The following TBC1D8 variants were observed in gnomAD, a reference collection of about 807,000 sequenced individuals.
The protein encoded by TBC1D8 is BUB2-like protein 1.
A neutral mutation model predicts 118.8 loss-of-function variants in TBC1D8; 65 were observed. The observed-to-expected ratio is 0.55, with a 90% confidence interval of 0.45 to 0.67. The LOEUF (loss-of-function observed/expected upper bound fraction) is 0.67, where lower values mean the gene tolerates loss of function less well. Among genes scored for constraint, TBC1D8 ranks in the 30% least tolerant of loss-of-function variants. TBC1D8 has a pLI of 0.00. For missense variants in TBC1D8, 1,376 were observed against 1,471.2 expected, an observed-to-expected ratio of 0.94 and a Z score of 1.06; for synonymous variants, 566 against 595.8, an observed-to-expected ratio of 0.95 and a Z score of 0.73.
At chr2:101,134,197 TCACACA>T (rs59427291) in intron 1 of TBC1D8, among the ~76,000 whole-genome samples, 11,581 of 72,596 alleles carry the variant, frequency 0.16, 588 homozygotes, top group South Asian at 0.35. Context: ...TCTCTCTCTC[TCACACA>T]CACACACACA....
intron 1 of TBC1D8, among the ~76,000 whole-genome samples, chr2:101,117,874 C>CT (rs35760018): frequency 0.46 from 52,993 of 116,128 alleles, 12,389 homozygotes; most frequent in East Asian, 0.56. Flanking sequence ...CGCACCCGGC[C>CT]TTTTTTTTTT....
rs570821033 is a variant in TBC1D8 at position 101,026,889 on chromosome 2, C to T, written c.2520+494G>A. ...GTTATTAAAAATGATTAAGACTATACGGCAACATGGAAGAATGTTAAGGAA... is the reference window on the plus strand; with the variant it reads ...GTTATTAAAAATGATTAAGACTATATGGCAACATGGAAGAATGTTAAGGAA... On this transcript the variant is annotated intron_variant, in intron 15 of 19. Transcript: ENST00000409318. Among the ~76,000 whole-genome samples, 25 of 152,162 alleles carry T rather than the reference C, an allele frequency of 1.6e-4. No homozygotes were observed. The East Asian group carries it at 1.9e-3, about 12-fold the overall frequency.
At chr2:101,074,869 A>G (rs1395333483) in intron 2 of TBC1D8, among the ~76,000 whole-genome samples, 3 of 152,184 alleles carry the variant, frequency 2.0e-5, no homozygotes, top group African/African-American at 7.2e-5. Context: ...CTTACTTGAA[A>G]AGCCTTAGAG....
At chr2:101,143,809 A>C (rs1175843184) in intron 1 of TBC1D8, among the ~76,000 whole-genome samples, 1 of 152,114 alleles carries the variant, frequency 6.6e-6, no homozygotes, top group Non-Finnish European at 1.5e-5. Context: ...CAATCCACCC[A>C]CCTTGGCTCC....
chr2:101,048,683 C>G (rs904319237), intron 5 of TBC1D8, among the ~76,000 whole-genome samples: 1 of 151,706 alleles, frequency 6.6e-6, no homozygotes, highest in African/African-American at 2.4e-5. Flanking sequence ...CTCTCTCCCC[C>G]ACACATTGAG....
chr2:101,012,147 C>T (rs1345410354), intron 17 of TBC1D8, among the ~76,000 whole-genome samples: 1 of 152,180 alleles, frequency 6.6e-6, no homozygotes, highest in South Asian at 2.1e-4. Flanking sequence ...CTTTAGTAAA[C>T]AGTCTGGCAG....
rs571342313 is a variant in TBC1D8 at position 101,022,635 on chromosome 2, G to T, written c.2521-114C>A. On this transcript the variant is annotated intron_variant, in intron 15 of 19. Transcript: ENST00000409318. ...CAATCTCACCACTCTAACTGGATAC[G>T]TAAAAGTGTTCCCTTGTTACCCTGA... 8 of 1,407,960 alleles carry T rather than the reference G, an allele frequency of 5.7e-6. No individual in the cohort carries two copies. The African/African-American group carries it at 1.0e-4, about 18-fold the overall frequency. 87.2% of individuals were successfully genotyped at this position (1,407,960 alleles called of 1,614,324 possible). A position where few individuals can be genotyped will look rare whatever the true frequency, so the allele number is the denominator to read the frequency against.
chr2:101,048,350 G>C (rs1000906125), intron 5 of TBC1D8, among the ~76,000 whole-genome samples: 10 of 152,158 alleles, frequency 6.6e-5, no homozygotes, highest in African/African-American at 2.4e-4. Flanking sequence ...TAAGATGGAG[G>C]CTGAGAGACC....
chr2:101,142,199 G>A (rs762575585), intron 1 of TBC1D8, among the ~76,000 whole-genome samples: 11 of 152,194 alleles, frequency 7.2e-5, no homozygotes, highest in Admixed American at 2.0e-4. Flanking sequence ...ACCATGCTCT[G>A]CTTGGAAACA....
intron 15 of TBC1D8, among the ~76,000 whole-genome samples, chr2:101,023,004 G>T (rs937583845): frequency 3.3e-5 from 5 of 151,798 alleles, no homozygotes; most frequent in African/African-American, 9.7e-5. Flanking sequence ...CATTAGCTGG[G>T]TGTAGCGGTG....
chr2:101,068,612 C>T (rs1405000931), intron 2 of TBC1D8: 3 of 533,206 alleles, frequency 5.6e-6, no homozygotes, highest in Non-Finnish European at 1.0e-5. Flanking sequence ...GGATACAATT[C>T]GCCAACAAGA....
chr2:101,104,036 C>G (rs967531925), intron 1 of TBC1D8, among the ~76,000 whole-genome samples: 2 of 152,062 alleles, frequency 1.3e-5, no homozygotes, highest in African/African-American at 2.4e-5. Flanking sequence ...AACATCTCTC[C>G]TACATACCAG....
In TBC1D8 at chr2:101,020,080, A is replaced by C. The variant is rs1324551538; in HGVS notation, c.2827+1601T>G. Among the ~76,000 whole-genome samples the C allele has an allele frequency of 3.3e-5, 5 of 151,976 alleles. No homozygotes were observed. The South Asian group carries it at 1.0e-3, about 32-fold the overall frequency. ...AGAGCGAAACTCCGTCTCAAAAAAA[A>C]AAAAAAAAGACAGTTAGATGAAGAA... is the stretch of plus-strand genomic sequence containing the variant. On this transcript the variant is annotated intron_variant, in intron 17 of 19. Transcript: ENST00000409318.
At chr2:101,120,100 C>G (rs1678028774) in intron 1 of TBC1D8, among the ~76,000 whole-genome samples, 1 of 152,108 alleles carries the variant, frequency 6.6e-6, no homozygotes, top group South Asian at 2.1e-4. Context: ...CCACCAACAC[C>G]GAGGTGGGGG....
chr2:101,072,638 G>C (rs1485485290), intron 2 of TBC1D8, among the ~76,000 whole-genome samples: 1 of 152,108 alleles, frequency 6.6e-6, no homozygotes, highest in Non-Finnish European at 1.5e-5. Context: ...AGGAGTACTT[G>C]ACCCAGATGC....
chr2:101,130,844 G>A (rs1194249221), intron 1 of TBC1D8, among the ~76,000 whole-genome samples: 2 of 152,092 alleles, frequency 1.3e-5, no homozygotes, highest in Non-Finnish European at 2.9e-5. Context: ...CTTTTCCAAG[G>A]TCTTCATTCT....
At chr2:101,130,872 AT>A (rs948481368) in intron 1 of TBC1D8, among the ~76,000 whole-genome samples, 10 of 152,312 alleles carry the variant, frequency 6.6e-5, no homozygotes, top group African/African-American at 2.4e-4. Context: ...TCTAACTGTT[AT>A]TGACCACAAT....
rs978757023 is a variant in TBC1D8 at position 101,037,536 on chromosome 2, C to T, written c.1448G>A (p.Arg483Gln). The T allele has an allele frequency of 4.3e-6, 7 of 1,612,030 alleles. No individual in the cohort carries two copies. The highest frequency in any genetic ancestry group is 1.1e-5 in the South Asian group (1 of 90,984). Residue 483 changes from arginine (R) to glutamine (Q), a missense_variant, in exon 8 of 20, where the codon CGA becomes CAA. Physicochemically the swap from Arg to Gln is conservative, Grantham distance 43. Coordinates refer to ENST00000409318, the MANE Select transcript of TBC1D8 (RefSeq NM_001330348.2). ...TGGGCACCAGGCGTCACCCACCATT[C>T]GGGAGTCAGGGCTCTGGCTGCCTGA... ...QQSGSQSPDS[R>Q]MSREQIKISL... is the part of the protein sequence containing the mutation.
chr2:101,072,941 G>A (rs1021827807), intron 2 of TBC1D8, among the ~76,000 whole-genome samples: 12 of 152,156 alleles, frequency 7.9e-5, no homozygotes, highest in East Asian at 1.9e-4. Context: ...TATGAGATTC[G>A]AAGGGGACAA....
Sources: gnomAD v4.1 joint callset for allele counts (sites outside exome capture counted in the v4.1 genomes callset) on GRCh38, gnomAD v4.1.1 for gene constraint, MANE v1.5 for transcripts, NCBI Gene and HGNC (gene_info 2026-07-23, HGNC 2026-07-21) for gene names.